RREB1: variants seen among roughly 807,000 people sequenced by gnomAD.
RREB1 encodes the protein ras-responsive element-binding protein 1.
Under a neutral mutation model 117.8 loss-of-function variants are expected in RREB1, and 27 were observed. The observed-to-expected ratio is 0.23, with a 90% CI of 0.17 to 0.32. The LOEUF is 0.32. RREB1 is among the 10% of genes least tolerant of loss of function. RREB1 has a pLI of 1.00. For missense variants in RREB1, 2,577 were observed against 2,378.2 expected, an observed-to-expected ratio of 1.08 and a Z score of -1.74; for synonymous variants, 1,298 against 1,026.7, an observed-to-expected ratio of 1.26 and a Z score of -5.05.
chr6:7,188,094 G>A (rs111797653), intron 5 of RREB1, among the ~76,000 whole-genome samples: 14,542 of 152,150 alleles, frequency 0.096, 880 homozygotes, highest in East Asian at 0.23. Context: ...ACTTGAACCC[G>A]GGAGCAGAGG....
In RREB1 at chr6:7,182,003, C is replaced by T. The variant is rs1561766105; in HGVS notation, c.92C>T (p.Thr31Ile). 1 of 1,613,970 alleles carries T rather than the reference C, an allele frequency of 6.2e-7. No individual in the cohort carries two copies. Residue 31 changes from threonine to isoleucine, a missense_variant, in exon 4 of 13, where the codon ACA becomes ATA. By Grantham distance (89) the Thr-to-Ile change is moderately conservative (BLOSUM62 -1). Transcript: ENST00000379938. The stretch of plus-strand genomic sequence containing the variant: ...GCGGTCATGAGTGTAGGGAAGGTCA[C>T]AGAGAATGGCGGGAGCCCCCAGGGG... ...MSAVMSVGKV[T>I]ENGGSPQGIK... is the part of the protein sequence containing the mutation.
intron 1 of RREB1, among the ~76,000 whole-genome samples, chr6:7,145,236 A>G (rs1762805649): frequency 6.6e-6 from 1 of 152,316 alleles, no homozygotes; most frequent in Admixed American, 6.5e-5. Flanking sequence ...GCAGGTTTAC[A>G]TGTGTGGTCG....
intron 1 of RREB1, among the ~76,000 whole-genome samples, chr6:7,132,015 C>T (rs1468313110): frequency 6.6e-6 from 1 of 152,052 alleles, no homozygotes; most frequent in Non-Finnish European, 1.5e-5. Context: ...CATGCCACTA[C>T]TCCCAGCTAG....
At chr6:7,237,555 G>A (rs1768417718) in intron 10 of RREB1, among the ~76,000 whole-genome samples, 1 of 152,138 alleles carries the variant, frequency 6.6e-6, no homozygotes, top group Non-Finnish European at 1.5e-5. Flanking sequence ...CTCGCGTTGG[G>A]GCTTGCAGAA....
Position 7,181,972 on chromosome 6 carries a change from A to T in RREB1, c.61A>T (p.Met21Leu). 1 of 1,614,210 alleles carries T rather than the reference A, an allele frequency of 6.2e-7. No homozygotes were observed. Among genetic ancestry groups the T allele is most frequent in the Non-Finnish European group, 8.5e-7 (1 of 1,180,022 alleles). Reference protein sequence around the residue: ...GSDLSSINTMMSAVMSVGKVT... With the variant: ...GSDLSSINTMLSAVMSVGKVT... ...AGACCTATCTTCCATCAACACCATG[A>T]TGTCGGCGGTCATGAGTGTAGGGAA... Residue 21 changes from methionine (M) to leucine (L), a missense_variant, in exon 4 of 13, where the codon ATG becomes TTG. By Grantham distance (15) the Met-to-Leu change is conservative. Transcript: ENST00000379938.
intron 6 of RREB1, among the ~76,000 whole-genome samples, chr6:7,189,545 CAG>C (rs1223186867): frequency 1.3e-5 from 2 of 152,162 alleles, no homozygotes; most frequent in East Asian, 3.8e-4. Context: ...GGATGAAACA[CAG>C]AGTCATTTCC....
At chr6:7,187,332 C>T (rs1301209550) in intron 4 of RREB1, 102 bp from the exon 5 acceptor site, 3 of 581,454 alleles carry the variant, frequency 5.2e-6, no homozygotes, top group Non-Finnish European at 8.8e-6. Flanking sequence ...CCCATGCTCT[C>T]AGCTACATAG....
chr6:7,142,437 A>G (rs1762648170), intron 1 of RREB1, among the ~76,000 whole-genome samples: 1 of 152,156 alleles, frequency 6.6e-6, no homozygotes, highest in Admixed American at 6.5e-5. Flanking sequence ...TCCCTCCAGG[A>G]CGCAGTTTCT....
At chr6:7,166,119 T>G (rs150540129) in intron 1 of RREB1, among the ~76,000 whole-genome samples, 3 of 152,132 alleles carry the variant, frequency 2.0e-5, no homozygotes, top group Admixed American at 1.3e-4. Context: ...GGAGAGCCTG[T>G]GTGCCTCACA....
At position 7,229,704 on chromosome 6, in the gene RREB1, G is replaced by A. The variant is rs965154452; in HGVS notation, c.1605G>A (p.Pro535=). The A allele has an allele frequency of 1.9e-6, 3 of 1,607,476 alleles. No homozygotes were observed. The highest frequency in any genetic ancestry group is 1.7e-5 in the Admixed American group (1 of 59,668). The part of the protein sequence containing the change: ...PPLINAQQAS[P]GCISPSLPPP... ...TCATCAACGCCCAGCAGGCTTCCCC[G>A]GGCTGTATCAGCCCCAGCCTGCCGC... Residue 535 remains proline (P), a synonymous_variant, in exon 10 of 13, where the codon CCG becomes CCA. Coordinates refer to ENST00000379938, the MANE Select transcript of RREB1 (RefSeq NM_001003699.4). This position sits in a 1 kb window ranked among gnomAD's most constrained non-coding sequence, Gnocchi z 4.5.
chr6:7,157,837 C>G (rs919720476), intron 1 of RREB1, among the ~76,000 whole-genome samples: 11 of 152,096 alleles, frequency 7.2e-5, no homozygotes, highest in Admixed American at 2.0e-4. Context: ...TCTTTCATCC[C>G]TCCTGACTCC....
chr6:7,236,146 C>G (rs1192174227), intron 10 of RREB1, among the ~76,000 whole-genome samples: 2 of 152,152 alleles, frequency 1.3e-5, no homozygotes, highest in African/African-American at 2.4e-5. Context: ...GGGAGCATCT[C>G]GTGTGTTTTT....
intron 6 of RREB1, among the ~76,000 whole-genome samples, chr6:7,192,136 T>C (rs978551781): frequency 6.8e-6 from 1 of 148,146 alleles, no homozygotes; most frequent in East Asian, 2.0e-4. Context: ...TTTTTTTTTT[T>C]TTTTTTTGCA....
chr6:7,216,493 G>C (rs1404009677), intron 8 of RREB1: 1 of 152,294 alleles, frequency 6.6e-6, no homozygotes, highest in Non-Finnish European at 1.5e-5. Context: ...GGCTCCATGA[G>C]TAGTGAGGGC....
Position 7,246,778 on chromosome 6 carries a change from C to T in RREB1, c.4328C>T (p.Ser1443Leu). Reference sequence around the variant, plus strand: ...GAGGCAGGCGCCGGGGGCGCGGCCTCGCAGGAGCAGAAGCTCGCCTGCGAC... The same window carrying T: ...GAGGCAGGCGCCGGGGGCGCGGCCTTGCAGGAGCAGAAGCTCGCCTGCGAC... ...DGEAGAGGAA[S>L]QEQKLACDTC... The change falls in exon 12 of 13, where the codon TCG becomes TTG. Residue 1443 changes from serine to leucine, a missense_variant. By Grantham distance (145) the Ser-to-Leu change is moderately radical. Transcript: ENST00000379938. 1 of 1,551,504 alleles carries T rather than the reference C, an allele frequency of 6.4e-7. No individual in the cohort carries two copies. The highest frequency in any genetic ancestry group is 8.7e-7 in the Non-Finnish European group (1 of 1,149,758).
At chr6:7,188,465 G>A (rs967599969) in intron 5 of RREB1, among the ~76,000 whole-genome samples, 1 of 152,050 alleles carries the variant, frequency 6.6e-6, no homozygotes, top group African/African-American at 2.4e-5. Flanking sequence ...GTTTATATTA[G>A]TATAAACGTA....
chr6:7,230,591 TG>T lies in RREB1; in HGVS notation c.2495del (p.Gly832AlafsTer81). The T allele has an allele frequency of 6.2e-7, 1 of 1,604,316 alleles. No homozygotes were observed. On this transcript the variant is annotated frameshift_variant, in exon 10 of 13. Coordinates refer to ENST00000379938, the MANE Select transcript of RREB1 (RefSeq NM_001003699.4). LOFTEE classifies it high-confidence loss of function. Reference sequence around the variant, plus strand: ...AGCTACGTGCTGGCCGCCGACGGCCTGGGCCCCGCAGAGGCGCCGGCCGCTG... The same window carrying T: ...AGCTACGTGCTGGCCGCCGACGGCCTGGCCCCGCAGAGGCGCCGGCCGCTG... ...IESYVLAADG[L>X]GPAEAPAAEA...
chr6:7,237,435 C>T (rs1278835529), intron 10 of RREB1, among the ~76,000 whole-genome samples: 1 of 151,652 alleles, frequency 6.6e-6, no homozygotes, highest in African/African-American at 2.4e-5. Flanking sequence ...ACTGTGTTGC[C>T]CAAGTTGGTC....
chr6:7,236,148 T>A (rs1434292904), intron 10 of RREB1, among the ~76,000 whole-genome samples: 4 of 152,138 alleles, frequency 2.6e-5, no homozygotes, highest in Admixed American at 6.5e-5. Flanking sequence ...GAGCATCTCG[T>A]GTGTTTTTAG....
Sources: gnomAD v4.1 joint callset for allele counts (sites outside exome capture counted in the v4.1 genomes callset) on GRCh38, gnomAD v4.1.1 for gene constraint, Gnocchi (gnomAD v3.1) non-coding constraint, MANE v1.5 for transcripts, NCBI Gene and HGNC (gene_info 2026-07-23, HGNC 2026-07-21) for gene names.